The following STK3 variants were observed in gnomAD, a reference collection of about 807,000 sequenced individuals.
The protein encoded by STK3 is serine/threonine kinase 3.
In STK3, 41 loss-of-function variants were observed where a neutral mutation model predicts 58.0. The observed-to-expected ratio is 0.71, with a 90% CI of 0.55 to 0.92. The LOEUF (loss-of-function observed/expected upper bound fraction) is 0.92, where lower values mean the gene tolerates loss of function less well. Ranked by LOEUF, STK3 falls within the 40% of genes least tolerant of loss-of-function variation. The probability of loss-of-function intolerance (pLI) is 0.00; values close to 1 mark genes in which losing one functional copy is unlikely to be tolerated. For synonymous variants in STK3, 170 were observed against 191.0 expected, an observed-to-expected ratio of 0.89 and a Z score of 0.91; for missense variants, 479 against 602.7, an observed-to-expected ratio of 0.79 and a Z score of 2.15.
At chr8:98,558,701 C>G (rs1277694468) in intron 8 of STK3, among the ~76,000 whole-genome samples, 1 of 151,902 alleles carries the variant, frequency 6.6e-6, no homozygotes, top group Non-Finnish European at 1.5e-5. Flanking sequence ...CTTTCTTTCT[C>G]TCATTCCTTT....
Position 98,657,878 on chromosome 8 carries a change from T to A in STK3, c.684+48589A>T, listed in dbSNP as rs376266931. 1.3e-4 allele frequency among the ~76,000 whole-genome samples: 20 copies of A among 152,058 alleles called. 1 individual carries two copies. Among genetic ancestry groups the A allele is most frequent in the African/African-American group, 4.8e-4 (20 of 41,554 alleles). ...CTACCACCCCTATGTACCAATACTG[T>A]AATGGATCCTTTACACACAATTTCT... On this transcript the variant is annotated intron_variant, in intron 6 of 10. Transcript: ENST00000419617.
At chr8:98,521,629 A>C (rs1825369144) in intron 10 of STK3, among the ~76,000 whole-genome samples, 1 of 152,092 alleles carries the variant, frequency 6.6e-6, no homozygotes, top group Non-Finnish European at 1.5e-5. Context: ...AGACTCTGTA[A>C]CCTTGCAAGC....
At chr8:98,366,774 T>C (rs1817568979), downstream of STK3, among the ~76,000 whole-genome samples, 1 of 151,642 alleles carries the variant, frequency 6.6e-6, no homozygotes, top group Non-Finnish European at 1.5e-5. Flanking sequence ...CTTTCTATCC[T>C]GACTCCCATG....
At chr8:98,701,538 C>T (rs527417785) in intron 6 of STK3, among the ~76,000 whole-genome samples, 20 of 151,926 alleles carry the variant, frequency 1.3e-4, no homozygotes, top group East Asian at 5.8e-4. Flanking sequence ...ACAGGAGAAT[C>T]GCTTGAAACC....
chr8:98,688,621 T>C (rs895005410), intron 6 of STK3, among the ~76,000 whole-genome samples: 11 of 151,894 alleles, frequency 7.2e-5, no homozygotes, highest in Non-Finnish European at 1.6e-4. Context: ...CAAGAGGAAC[T>C]CTCAAAACCA....
At chr8:98,495,732 T>TAC (rs1823080538) in intron 10 of STK3, among the ~76,000 whole-genome samples, 1 of 152,232 alleles carries the variant, frequency 6.6e-6, no homozygotes, top group Non-Finnish European at 1.5e-5. Flanking sequence ...CATATGCTTT[T>TAC]ATAGCAACAG....
intron 6 of STK3, among the ~76,000 whole-genome samples, chr8:98,655,666 G>A (rs940676293): frequency 1.3e-5 from 2 of 151,670 alleles, no homozygotes; most frequent in African/African-American, 2.4e-5. Flanking sequence ...CCATCAAAAA[G>A]TGGGCGAAGG....
At chr8:98,509,246 A>G (rs1263228277) in intron 10 of STK3, among the ~76,000 whole-genome samples, 2 of 151,952 alleles carry the variant, frequency 1.3e-5, no homozygotes, top group African/African-American at 4.8e-5. Flanking sequence ...TTTCCTAGGC[A>G]CTCTTAAGAT....
Position 98,856,614 on chromosome 8 carries a change from A to G in STK3, c.110+27033T>C, listed in dbSNP as rs1587756416. Reference sequence around the variant, plus strand: ...CTCACACACTACTAGTGGGAATGTAAAATGGCACAACCACTTTGGAAGACA... The same window carrying G: ...CTCACACACTACTAGTGGGAATGTAGAATGGCACAACCACTTTGGAAGACA... On this transcript the variant is annotated intron_variant, in intron 3 of 12. Coordinates refer to the STK3 transcript ENST00000523601. 2.0e-5 allele frequency among the ~76,000 whole-genome samples: 3 copies of G among 152,204 alleles called. No individual in the cohort carries two copies. The East Asian group carries it at 5.8e-4, about 29-fold the overall frequency.
intron 6 of STK3, among the ~76,000 whole-genome samples, chr8:98,659,057 T>C (rs1173532054): frequency 6.6e-6 from 1 of 152,060 alleles, no homozygotes; most frequent in Non-Finnish European, 1.5e-5. Context: ...CAATAGGCTA[T>C]ACCATATACC....
In STK3 at chr8:98,695,841, A is replaced by G. The variant is rs548112968; in HGVS notation, c.684+10626T>C. Among the ~76,000 whole-genome samples the G allele has an allele frequency of 5.4e-4, 83 of 152,320 alleles. 1 individual carries two copies. The South Asian group carries it at 0.011, about 21-fold the overall frequency. ...CTTTTGGGTTAGGATTGACTCGGCA[A>G]TGCGGGCTCTTTTTGGGTTCCATAT... On this transcript the variant is annotated intron_variant, in intron 6 of 10. Coordinates refer to ENST00000419617, the MANE Select transcript of STK3 (RefSeq NM_006281.4).
rs191684933 is a variant in STK3 at position 98,383,320 on chromosome 8, T to C, written n.57-4113A>G. ...AGTCAAGATTTGAGCCTGTGTTTTA[T>C]GAAAGCCCATGCATTGAATCCTCAA... On this transcript the variant is annotated intron_variant and non_coding_transcript_variant, in intron 1 of 2. Transcript: ENST00000518704. Among the ~76,000 whole-genome samples the C allele has an allele frequency of 2.9e-3, 446 of 152,238 alleles. 6 individuals carry two copies. The highest frequency in any genetic ancestry group is 9.5e-3 in the African/African-American group (394 of 41,528).
downstream of STK3, among the ~76,000 whole-genome samples, chr8:98,398,776 A>G (rs1817917287): frequency 6.6e-6 from 1 of 152,254 alleles, no homozygotes; most frequent in Non-Finnish European, 1.5e-5. Flanking sequence ...TCTTTGGAGA[A>G]GATGGTAATA....
intron 6 of STK3, among the ~76,000 whole-genome samples, chr8:98,697,366 A>G (rs200815942): frequency 2.6e-5 from 4 of 151,194 alleles, no homozygotes; most frequent in Admixed American, 1.3e-4. Context: ...CTTCAGTTCT[A>G]CTCTGATTTT....
At chr8:98,418,885 C>G (rs973219501) in intron 3 of STK3, among the ~76,000 whole-genome samples, 6 of 152,204 alleles carry the variant, frequency 3.9e-5, no homozygotes, top group African/African-American at 1.4e-4. Context: ...TCCACTCTGC[C>G]ACAACCTGCA....
intron 1 of STK3, among the ~76,000 whole-genome samples, chr8:98,446,750 G>A (rs560310367): frequency 1.7e-3 from 255 of 152,160 alleles, no homozygotes; most frequent in African/African-American, 5.9e-3. Context: ...TATATGCAGA[G>A]GAATATAAAT....
chr8:98,644,353 TA>T (rs1820245340), intron 6 of STK3, among the ~76,000 whole-genome samples: 1 of 152,194 alleles, frequency 6.6e-6, no homozygotes, highest in Non-Finnish European at 1.5e-5. Context: ...ATTAAATCCA[TA>T]ATCTTTTGAG....
At chr8:98,790,764 C>A (rs1430712810) in intron 1 of STK3, among the ~76,000 whole-genome samples, 2 of 152,160 alleles carry the variant, frequency 1.3e-5, no homozygotes. Flanking sequence ...GCAGGTGGAT[C>A]ACGAGGTCAG....
At chr8:98,420,159 T>C (rs1818153451) in intron 3 of STK3, among the ~76,000 whole-genome samples, 1 of 152,190 alleles carries the variant, frequency 6.6e-6, no homozygotes, top group Non-Finnish European at 1.5e-5. Context: ...AATGTTAAAT[T>C]GTGTGCTTTT....
Sources: gnomAD v4.1 joint callset for allele counts (sites outside exome capture counted in the v4.1 genomes callset) on GRCh38, gnomAD v4.1.1 for gene constraint, MANE v1.5 for transcripts, NCBI Gene and HGNC (gene_info 2026-07-23, HGNC 2026-07-21) for gene names.